SDHC: variants seen among roughly 807,000 people sequenced by gnomAD.
SDHC encodes succinate dehydrogenase cytochrome b560 subunit, mitochondrial.
Under a neutral mutation model 22.6 loss-of-function variants are expected in SDHC, and 11 were observed. The observed-to-expected ratio is 0.49, with a 90% confidence interval of 0.31 to 0.81. SDHC has a LOEUF of 0.81. Ranked by LOEUF, SDHC falls within the 30% of genes least tolerant of loss-of-function variation. The pLI, the probability that SDHC is intolerant of heterozygous loss-of-function variation, is 0.05. For missense variants in SDHC, 160 were observed against 212.0 expected (o/e 0.75, Z 1.52); for synonymous variants, 80 against 77.8 (o/e 1.03, Z -0.15).
At chr1:161,340,338 TTTTTGTTTTG>T (rs531300339) in intron 3 of SDHC, among the ~76,000 whole-genome samples, 1 of 146,184 alleles carries the variant, frequency 6.8e-6, no homozygotes, top group Non-Finnish European at 1.5e-5. Context: ...AGCTGGTGAT[TTTTTGTTTTG>T]TTTTGTTTTG....
chr1:161,345,708 G>A (rs1421382847), intron 4 of SDHC, among the ~76,000 whole-genome samples: 2 of 151,836 alleles, frequency 1.3e-5, no homozygotes, highest in South Asian at 2.1e-4. Context: ...CGCCCGCCTC[G>A]GCCTCCCAAA....
intron 3 of SDHC, among the ~76,000 whole-genome samples, chr1:161,334,110 G>T (rs544527971): frequency 6.6e-6 from 1 of 152,278 alleles, no homozygotes; most frequent in Non-Finnish European, 1.5e-5. Flanking sequence ...CAAGGTGTTG[G>T]CAGGGCTCTG....
At chr1:161,343,231 G>A (rs978660244) in intron 4 of SDHC, among the ~76,000 whole-genome samples, 1 of 152,172 alleles carries the variant, frequency 6.6e-6, no homozygotes, top group Non-Finnish European at 1.5e-5. Context: ...TGTAGACTAT[G>A]TTTTTAACTG....
chr1:161,329,166 A>G (rs1335809295), intron 3 of SDHC, among the ~76,000 whole-genome samples: 1 of 152,140 alleles, frequency 6.6e-6, no homozygotes, highest in East Asian at 1.9e-4. Flanking sequence ...TCGGCCTCCC[A>G]AAGTGCTGGG....
intron 2 of SDHC, among the ~76,000 whole-genome samples, chr1:161,325,693 T>G (rs1385859238): frequency 6.6e-6 from 1 of 152,160 alleles, no homozygotes; most frequent in Non-Finnish European, 1.5e-5. Flanking sequence ...AAGAAACTAC[T>G]GAGGTACCGA....
At chr1:161,337,942 T>C (rs1384596939) in intron 3 of SDHC, among the ~76,000 whole-genome samples, 5 of 152,230 alleles carry the variant, frequency 3.3e-5, no homozygotes, top group Non-Finnish European at 7.3e-5. Context: ...GAAAAATAAT[T>C]GTGCAATCTG....
In SDHC at chr1:161,330,267, T is replaced by TA. The variant is rs1671226069; in HGVS notation, c.179+1770_179+1771insA. Among the ~76,000 whole-genome samples, 3 of 152,202 alleles carry TA rather than the reference T, an allele frequency of 2.0e-5. No individual in the cohort carries two copies. The South Asian group carries it at 6.2e-4, about 32-fold the overall frequency. On this transcript the variant is annotated intron_variant, in intron 3 of 5. Transcript: ENST00000367975. ...TCTCCCCATCTGAACCAGATATGGG[T>TA]GAGGCTCTGGGTATAATCCTTTTGA...
chr1:161,360,109 G>T (rs1672445900), intron 5 of SDHC, among the ~76,000 whole-genome samples: 1 of 151,618 alleles, frequency 6.6e-6, no homozygotes, highest in Non-Finnish European at 1.5e-5. Flanking sequence ...GACTGTGGGT[G>T]TATGTGTGTA....
rs771746264 is a variant in SDHC, at chr1:161,314,420, G to T, written c.15G>T (p.Leu5Phe). 6.1e-5 allele frequency: 98 copies of T among 1,611,968 alleles called. No individual in the cohort carries two copies. The highest frequency in any genetic ancestry group is 7.5e-5 in the Non-Finnish European group (88 of 1,179,874). Reference sequence around the variant, plus strand: ...CGGAACCCAAGATGGCTGCGCTGTTGCTGAGGTGACTTCAGTGGGACTGGG... The same window carrying T: ...CGGAACCCAAGATGGCTGCGCTGTTTCTGAGGTGACTTCAGTGGGACTGGG... MAAL[L>F]LRHVGRHCLR... The change falls in exon 1 of 6, where the codon TTG (leucine) becomes TTT (phenylalanine). Residue 5 changes from leucine to phenylalanine, a missense_variant. This residue lies in a region of SDHC where 86 missense variants were observed against 83.4 expected (regional missense o/e 1.03). Transcript: ENST00000367975.
chr1:161,329,081 T>C (rs1482515262), intron 3 of SDHC, among the ~76,000 whole-genome samples: 1 of 152,004 alleles, frequency 6.6e-6, no homozygotes, highest in African/African-American at 2.4e-5. Context: ...CTAATTTTTG[T>C]ATTTTTAGTA....
chr1:161,317,359 T>A (rs79322864), intron 1 of SDHC, among the ~76,000 whole-genome samples: 17,788 of 151,880 alleles, frequency 0.12, 1,416 homozygotes, highest in African/African-American at 0.22. Flanking sequence ...ACTTAAAAAA[T>A]TTTTTTATTT....
At chr1:161,339,744 G>A (rs1671652507) in intron 3 of SDHC, among the ~76,000 whole-genome samples, 3 of 128,378 alleles carry the variant, frequency 2.3e-5, no homozygotes, top group Non-Finnish European at 4.7e-5. Context: ...GCAATGGTGC[G>A]ATCTTGGCTC....
intron 2 of SDHC, among the ~76,000 whole-genome samples, chr1:161,324,395 G>A (rs1420159806): frequency 6.6e-6 from 1 of 152,218 alleles, no homozygotes; most frequent in Admixed American, 6.5e-5. Flanking sequence ...ATTGCACCTG[G>A]ACTTTCATGG....
intron 3 of SDHC, among the ~76,000 whole-genome samples, chr1:161,332,265 G>A (rs1008287803): frequency 5.3e-5 from 8 of 152,134 alleles, no homozygotes; most frequent in East Asian, 3.8e-4. Flanking sequence ...GTAAGCCACC[G>A]TGCTCAGCTT....
At chr1:161,357,253 C>T (rs1412149039) in intron 5 of SDHC, among the ~76,000 whole-genome samples, 1 of 151,856 alleles carries the variant, frequency 6.6e-6, no homozygotes, top group Non-Finnish European at 1.5e-5. Context: ...TTAGTTGTGA[C>T]TCAGAGTCCT....
chr1:161,328,161 A>T (rs2102306885), intron 2 of SDHC, among the ~76,000 whole-genome samples: 1 of 151,842 alleles, frequency 6.6e-6, no homozygotes. Flanking sequence ...CCGCCACCAC[A>T]TCTGGCTAAT....
At position 161,359,096 on chromosome 1, in the gene SDHC, C is replaced by CA. The variant is rs1200754917; in HGVS notation, c.405+2270dup. On this transcript the variant is annotated intron_variant, in intron 5 of 5. Coordinates refer to ENST00000367975, the MANE Select transcript of SDHC (RefSeq NM_003001.5). Reference sequence around the variant, plus strand: ...GGGTGACAAAAGTGAAACTCAGTCTCAAAAAAAAAAAAAAGAAAAGATTTT... The same window carrying CA: ...GGGTGACAAAAGTGAAACTCAGTCTCAAAAAAAAAAAAAAAGAAAAGATTTT... Among the ~76,000 whole-genome samples the CA allele has an allele frequency of 2.4e-3, 272 of 115,260 alleles. 2 individuals carry two copies. Among genetic ancestry groups the CA allele is most frequent in the Middle Eastern group, 4.2e-3 (1 of 236 alleles). 75.6% of individuals were successfully genotyped at this position (115,260 alleles called of 152,430 possible).
At chr1:161,319,337 C>T (rs535093375) in intron 1 of SDHC, among the ~76,000 whole-genome samples, 3 of 151,706 alleles carry the variant, frequency 2.0e-5, no homozygotes, top group African/African-American at 7.3e-5. Flanking sequence ...ATTATTAAAC[C>T]ACATAAGAAA....
chr1:161,330,159 A>G (rs1671222288), intron 3 of SDHC, among the ~76,000 whole-genome samples: 1 of 152,214 alleles, frequency 6.6e-6, no homozygotes, highest in South Asian at 2.1e-4. Flanking sequence ...GTCCCATGAC[A>G]AAATACATTC....
Sources: allele counts gnomAD v4.1 joint callset (sites outside exome capture counted in the v4.1 genomes callset), GRCh38; gene constraint gnomAD v4.1.1; regional missense constraint gnomAD v4.1.1; transcripts MANE v1.5; gene names NCBI Gene and HGNC (gene_info 2026-07-23, HGNC 2026-07-21).